Variants in TNKS observed in about 807,000 individuals in gnomAD.
The protein encoded by TNKS is poly [ADP-ribose] polymerase tankyrase-1.
TNKS carries 72 observed loss-of-function variants against 135.8 expected under a neutral mutation model. That is an observed-to-expected ratio of 0.53 (90% CI 0.44 to 0.64). The LOEUF (loss-of-function observed/expected upper bound fraction) is 0.64. Ranked by LOEUF, TNKS falls within the 30% of genes least tolerant of loss-of-function variation. The pLI, the probability that TNKS is intolerant of heterozygous loss-of-function variation, is 0.00. For synonymous variants in TNKS, 849 were observed against 649.3 expected, an observed-to-expected ratio of 1.31 and a Z score of -4.68; for missense variants, 1,769 against 1,674.0, an observed-to-expected ratio of 1.06 and a Z score of -0.99.
chr8:9,691,022 T>C (rs551194894), intron 5 of TNKS, among the ~76,000 whole-genome samples: 1 of 152,310 alleles, frequency 6.6e-6, no homozygotes, highest in East Asian at 1.9e-4. Context: ...CTCGCTTGTT[T>C]AGATCAGACC....
intron 5 of TNKS, among the ~76,000 whole-genome samples, chr8:9,686,311 T>G (rs1802994710): frequency 6.6e-6 from 1 of 152,120 alleles, no homozygotes. Context: ...TATGGAAGCT[T>G]CTTAATGATT....
At chr8:9,726,607 T>C in intron 12 of TNKS, 34 bp from the exon 13 acceptor site, 1 of 1,486,286 alleles carries the variant, frequency 6.7e-7, no homozygotes, top group Non-Finnish European at 9.2e-7. Flanking sequence ...TGAGTTTGGA[T>C]ATATATATGA....
At chr8:9,562,986 C>G (rs1279463509) in intron 1 of TNKS, among the ~76,000 whole-genome samples, 1 of 151,942 alleles carries the variant, frequency 6.6e-6, no homozygotes, top group Non-Finnish European at 1.5e-5. Flanking sequence ...AAAAGTTTCT[C>G]AAATTATACT....
chr8:9,706,881 G>A lies in TNKS; in HGVS notation c.1340G>A (p.Arg447His), dbSNP rs1804072768. 6.2e-7 allele frequency: 1 copy of A among 1,613,936 alleles called. No individual in the cohort carries two copies. Among genetic ancestry groups the A allele is most frequent in the South Asian group, 1.1e-5 (1 of 91,078 alleles). The change falls in exon 8 of 27, where the codon CGT becomes CAT. Residue 447 changes from arginine (R) to histidine (H), a missense_variant. Physicochemically the swap from Arg to His is conservative, Grantham distance 29 (BLOSUM62 0). Around this residue, in one of 5 missense-constraint regions of TNKS, gnomAD observed 523 missense variants for 541.0 expected, o/e 0.97. Coordinates refer to ENST00000310430, the MANE Select transcript of TNKS (RefSeq NM_003747.3). ...CTGCACGAGGCTGCTTCCAAGAACC[G>A]TGTAGAAGTCTGCTCTTTGTTACTT... ...TPLHEAASKN[R>H]VEVCSLLLSH... is the part of the protein sequence containing the mutation.
intron 26 of TNKS, among the ~76,000 whole-genome samples, chr8:9,773,724 G>GAA (rs11431406): frequency 4.0e-5 from 6 of 148,534 alleles, no homozygotes; most frequent in Admixed American, 2.7e-4. Context: ...TTATTTGAAA[G>GAA]AAAAAAAAAA....
intron 3 of TNKS, among the ~76,000 whole-genome samples, chr8:9,639,513 C>G (rs1281477260): frequency 1.4e-5 from 2 of 145,698 alleles, no homozygotes; most frequent in African/African-American, 5.0e-5. Context: ...TCTTGTTTAT[C>G]TAAGCCTTTT....
chr8:9,760,574 A>C (rs1451605066), intron 20 of TNKS, among the ~76,000 whole-genome samples: 1 of 152,196 alleles, frequency 6.6e-6, no homozygotes. Flanking sequence ...TCAAAGACTA[A>C]TCTTGTAGAC....
chr8:9,594,216 G>A (rs917137860), intron 2 of TNKS, among the ~76,000 whole-genome samples: 5 of 152,044 alleles, frequency 3.3e-5, no homozygotes, highest in African/African-American at 4.8e-5. Flanking sequence ...ATAGTATTTT[G>A]AAGGTTAACA....
At chr8:9,563,769 C>T (rs983200123) in intron 1 of TNKS, among the ~76,000 whole-genome samples, 1 of 152,024 alleles carries the variant, frequency 6.6e-6, no homozygotes, top group African/African-American at 2.4e-5. Context: ...ATAATTTTGT[C>T]TGCTTTGTGG....
chr8:9,654,876 C>G (rs1020745801), intron 3 of TNKS, among the ~76,000 whole-genome samples: 2 of 152,210 alleles, frequency 1.3e-5, no homozygotes, highest in African/African-American at 2.4e-5. Context: ...ATTCATCTCA[C>G]TGGGGAGTGC....
intron 3 of TNKS, among the ~76,000 whole-genome samples, chr8:9,664,524 A>G (rs889281241): frequency 6.6e-6 from 1 of 152,244 alleles, no homozygotes; most frequent in African/African-American, 2.4e-5. Flanking sequence ...TAGCACGTTA[A>G]CATATAAAAA....
chr8:9,763,638 A>G (rs532272099), intron 22 of TNKS, among the ~76,000 whole-genome samples: 56 of 152,194 alleles, frequency 3.7e-4, no homozygotes, highest in Non-Finnish European at 6.8e-4. Flanking sequence ...AAATGTGACT[A>G]TAAAATAATA....
intron 3 of TNKS, among the ~76,000 whole-genome samples, chr8:9,662,082 C>G (rs1041942240): frequency 3.9e-5 from 6 of 152,150 alleles, no homozygotes; most frequent in Admixed American, 1.3e-4. Flanking sequence ...ATTAAGAAGT[C>G]AGGAAACAAC....
chr8:9,582,099 G>C (rs569685613), intron 2 of TNKS, among the ~76,000 whole-genome samples: 3 of 152,190 alleles, frequency 2.0e-5, no homozygotes, highest in Non-Finnish European at 2.9e-5. Context: ...ATGTATCATA[G>C]TTATTATGGG....
In TNKS at chr8:9,692,508, A is replaced by G. The variant is rs78250587; in HGVS notation, c.1107+11708A>G. ...TAGGAGTAGTATCATGCCATGATCC[A>G]CTGTGATGAGACTATATCTGTCGTT... On this transcript the variant is annotated intron_variant, in intron 5 of 26. Coordinates refer to ENST00000310430, the MANE Select transcript of TNKS (RefSeq NM_003747.3). Among the ~76,000 whole-genome samples the G allele has an allele frequency of 5.6e-3, 848 of 152,344 alleles. 5 individuals are homozygous for G. The highest frequency in any genetic ancestry group is 0.011 in the Admixed American group (174 of 15,304).
chr8:9,690,401 C>G (rs1169788140), intron 5 of TNKS, among the ~76,000 whole-genome samples: 3 of 152,126 alleles, frequency 2.0e-5, no homozygotes, highest in Admixed American at 6.6e-5. Flanking sequence ...TTCTCCCTTC[C>G]CTTCTCTTTC....
At chr8:9,755,181 G>A (rs145651381) in intron 20 of TNKS, among the ~76,000 whole-genome samples, 1,678 of 151,762 alleles carry the variant, frequency 0.011, 13 homozygotes, top group African/African-American at 0.023. Flanking sequence ...TCGTATATTC[G>A]CATTGTCAGT....
In TNKS at chr8:9,680,872, A is replaced by G. The variant is rs1054593032; in HGVS notation, c.1107+72A>G. 7.6e-6 allele frequency: 8 copies of G among 1,057,316 alleles called. No individual in the cohort carries two copies. The African/African-American group carries it at 7.8e-5, about 10-fold the overall frequency. 65.5% of individuals were successfully genotyped at this position (1,057,316 alleles called of 1,614,324 possible). ...TTTTGTGAATGTGGCATATATATAT[A>G]TAAGCACGTATACCTACATGGCTTT... On this transcript the variant is annotated intron_variant, in intron 5 of 26. Coordinates refer to ENST00000310430, the MANE Select transcript of TNKS (RefSeq NM_003747.3).
intron 2 of TNKS, among the ~76,000 whole-genome samples, chr8:9,602,248 G>A (rs74800024): frequency 2.0e-5 from 3 of 152,078 alleles, no homozygotes; most frequent in Non-Finnish European, 2.9e-5. Flanking sequence ...TTAGCTAGTT[G>A]ATTACTTACG....
Sources: allele counts gnomAD v4.1 joint callset (sites outside exome capture counted in the v4.1 genomes callset), GRCh38; gene constraint gnomAD v4.1.1; regional missense constraint gnomAD v4.1.1; transcripts MANE v1.5; gene names NCBI Gene and HGNC (gene_info 2026-07-23, HGNC 2026-07-21).